The following DNER variants were observed in gnomAD, a reference collection of about 807,000 sequenced individuals.
The protein encoded by DNER is delta/notch like EGF repeat containing, also known as delta and Notch-like epidermal growth factor-related receptor.
DNER carries 33 observed loss-of-function variants against 78.2 expected under a neutral mutation model. That is an observed-to-expected ratio of 0.42 (90% CI 0.32 to 0.56). The LOEUF is 0.56. Among genes scored for constraint, DNER ranks in the 20% least tolerant of loss-of-function variants. DNER has a pLI of 0.11. For missense variants in DNER, 918 were observed against 975.3 expected (o/e 0.94, Z 0.78); for synonymous variants, 417 against 384.8 (o/e 1.08, Z -0.98).
At chr2:229,643,988 CCAAG>C (rs1698670674) in intron 1 of DNER, among the ~76,000 whole-genome samples, 1 of 152,074 alleles carries the variant, frequency 6.6e-6, no homozygotes, top group East Asian at 1.9e-4. Context: ...GTGCTTTGCA[CCAAG>C]CAGACACTCA....
chr2:229,552,407 G>A (rs1472836152), intron 4 of DNER, among the ~76,000 whole-genome samples: 2 of 152,158 alleles, frequency 1.3e-5, no homozygotes, highest in African/African-American at 4.8e-5. Context: ...CTATGGTTTG[G>A]CTGTGTCCCC....
At chr2:229,529,624 G>T (rs928905379) in intron 5 of DNER, among the ~76,000 whole-genome samples, 12 of 152,072 alleles carry the variant, frequency 7.9e-5, no homozygotes, top group African/African-American at 2.7e-4. Flanking sequence ...TTGCTTACCA[G>T]CACTTACATC....
chr2:229,668,522 GTGTGTGTGTGTGTGTATATATATATATA>G (rs202037537), intron 1 of DNER, among the ~76,000 whole-genome samples: 31,808 of 89,190 alleles, frequency 0.36, 5,087 homozygotes, highest in East Asian at 0.53. Context: ...AAGTATGTGT[GTGTGTGTGTGTGTGTATATATATATATA>G]TATATATATA....
intron 1 of DNER, among the ~76,000 whole-genome samples, chr2:229,619,949 T>C (rs1267871462): frequency 6.6e-6 from 1 of 152,226 alleles, no homozygotes; most frequent in East Asian, 1.9e-4. Context: ...CACCTTTGTT[T>C]TTGAACAAGG....
chr2:229,509,112 A>G (rs1193046005), intron 6 of DNER, among the ~76,000 whole-genome samples: 1 of 152,176 alleles, frequency 6.6e-6, no homozygotes, highest in African/African-American at 2.4e-5. Flanking sequence ...ATGCGTGAAC[A>G]AGATCGGAGA....
Position 229,614,352 on chromosome 2 carries a change from A to C in DNER, c.277-22464T>G, listed in dbSNP as rs567804806. Among the ~76,000 whole-genome samples, 25 of 152,316 alleles carry C rather than the reference A, an allele frequency of 1.6e-4. No individual in the cohort carries two copies. In the South Asian group the frequency reaches 5.0e-3, roughly 30 times the overall value. On this transcript the variant is annotated intron_variant, in intron 1 of 12. Coordinates refer to ENST00000341772, the MANE Select transcript of DNER (RefSeq NM_139072.4). ...AGTTTGAGATTTACATCTGAAGATA[A>C]GCATCTAAAAATTCAAGATCCATCA...
rs549577619 is a variant in DNER at position 229,586,620 on chromosome 2, G to C, written c.681-596C>G. ...ATCAACCCCAACCCCAACCCCAGCT[G>C]CCCTCCTGCGCTTTTCTCCTCACAG... On this transcript the variant is annotated intron_variant, in intron 3 of 12. Coordinates refer to ENST00000341772, the MANE Select transcript of DNER (RefSeq NM_139072.4). The C allele has an allele frequency of 2.3e-4, 225 of 976,282 alleles. 1 individual carries two copies. In the African/African-American group the frequency reaches 3.8e-3, roughly 17 times the overall value. The allele number at this position is 976,282 out of a possible 1,614,324, so 60.5% of individuals were successfully genotyped here.
chr2:229,577,512 G>A (rs1388671479), intron 4 of DNER, among the ~76,000 whole-genome samples: 1 of 152,146 alleles, frequency 6.6e-6, no homozygotes, highest in Non-Finnish European at 1.5e-5. Flanking sequence ...GTGGGAGCCT[G>A]TAACCCCAGC....
At position 229,641,791 on chromosome 2, in the gene DNER, G is replaced by A. The variant is rs139049139; in HGVS notation, c.277-49903C>T. Among the ~76,000 whole-genome samples the A allele has an allele frequency of 5.4e-3, 821 of 152,310 alleles. 9 individuals are homozygous for A. The highest frequency in any genetic ancestry group is 0.018 in the African/African-American group (760 of 41,554). ...CATTTAAATTTTTCTTTTAAAGGAAGTTGAGAAATAATATAAAATCCTGCA... is the reference window on the plus strand; with the variant it reads ...CATTTAAATTTTTCTTTTAAAGGAAATTGAGAAATAATATAAAATCCTGCA... On this transcript the variant is annotated intron_variant, in intron 1 of 12. Transcript: ENST00000341772.
rs115010894 is a variant in DNER, at chr2:229,614,632, G to A, written c.277-22744C>T. 7.4e-3 allele frequency among the ~76,000 whole-genome samples: 1,133 copies of A among 152,334 alleles called. 7 individuals are homozygous for A. Among genetic ancestry groups the A allele is most frequent in the Non-Finnish European group, 0.011 (776 of 68,038 alleles). On this transcript the variant is annotated intron_variant, in intron 1 of 12. Transcript: ENST00000341772. ...CTTGCAGTTCTTCTGGAGCTAGACA[G>A]GGTTGTCTTGAGGCTACAGAATGAG...
At chr2:229,505,157 T>C (rs905943751) in intron 6 of DNER, among the ~76,000 whole-genome samples, 22 of 140,358 alleles carry the variant, frequency 1.6e-4, no homozygotes, top group African/African-American at 5.0e-4. Context: ...CACTGAGGCT[T>C]GAGGATTATG....
chr2:229,403,309 G>C (rs1693308479), intron 10 of DNER, among the ~76,000 whole-genome samples: 1 of 152,092 alleles, frequency 6.6e-6, no homozygotes. Flanking sequence ...TGGAACACTA[G>C]TTCTCAGGAA....
At chr2:229,388,648 G>T (rs1476847450) in intron 10 of DNER, among the ~76,000 whole-genome samples, 25 of 66,884 alleles carry the variant, frequency 3.7e-4, no homozygotes, top group African/African-American at 9.5e-4. Context: ...TATATATATA[G>T]CACTGGTAAA....
chr2:229,505,456 CG>C lies in DNER; in HGVS notation c.1147+7326del, dbSNP rs201313926. ...GCTAAAGCATAAAAAAGAGTAGAGCCGGGGGGGTCCCCTGGACCCATCTCTG... is the reference window on the plus strand; with the variant it reads ...GCTAAAGCATAAAAAAGAGTAGAGCCGGGGGGTCCCCTGGACCCATCTCTG... On this transcript the variant is annotated intron_variant, in intron 6 of 12. Transcript: ENST00000341772. 2.3e-3 allele frequency among the ~76,000 whole-genome samples: 345 copies of C among 152,014 alleles called. 1 individual carries two copies. Among genetic ancestry groups the C allele is most frequent in the African/African-American group, 8.0e-3 (332 of 41,456 alleles).
rs189949377 is a variant in DNER, at chr2:229,609,564, G to C, written c.277-17676C>G. Among the ~76,000 whole-genome samples the C allele has an allele frequency of 1.3e-3, 193 of 152,262 alleles. 1 individual carries two copies. Among genetic ancestry groups the C allele is most frequent in the Non-Finnish European group, 2.0e-3 (133 of 68,024 alleles). On this transcript the variant is annotated intron_variant, in intron 1 of 12. Coordinates refer to ENST00000341772, the MANE Select transcript of DNER (RefSeq NM_139072.4). Reference sequence around the variant, plus strand: ...GGCACAGGTGAACGGTTGCCACAGAGACCTTGTAGCTCACAACGCTGAAAA... The same window carrying C: ...GGCACAGGTGAACGGTTGCCACAGACACCTTGTAGCTCACAACGCTGAAAA...
chr2:229,455,425 T>G (rs984489714), intron 7 of DNER, among the ~76,000 whole-genome samples: 1 of 152,020 alleles, frequency 6.6e-6, no homozygotes, highest in African/African-American at 2.4e-5. Context: ...TGGGGTAATC[T>G]CAAGTTGCCC....
intron 4 of DNER, among the ~76,000 whole-genome samples, chr2:229,569,531 A>T (rs183429763): frequency 2.1e-4 from 32 of 151,678 alleles, no homozygotes; most frequent in Middle Eastern, 3.4e-3. Flanking sequence ...CAAAAAAATT[A>T]AAAAAAAAAA....
chr2:229,383,339 A>G (rs531326625), intron 11 of DNER, among the ~76,000 whole-genome samples: 1 of 152,376 alleles, frequency 6.6e-6, no homozygotes, highest in East Asian at 1.9e-4. Flanking sequence ...TGACACTATG[A>G]AAAAACTGTA....
intron 4 of DNER, among the ~76,000 whole-genome samples, chr2:229,576,326 CTCTT>C (rs1697300328): frequency 8.9e-6 from 1 of 111,764 alleles, no homozygotes; most frequent in Non-Finnish European, 1.8e-5. Flanking sequence ...AAGTTTCTCT[CTCTT>C]TTTTTTTTTT....
Sources: allele counts gnomAD v4.1 joint callset (sites outside exome capture counted in the v4.1 genomes callset), GRCh38; gene constraint gnomAD v4.1.1; transcripts MANE v1.5; gene names NCBI Gene and HGNC (gene_info 2026-07-23, HGNC 2026-07-21).